Variants in GPRC6A observed in about 807,000 individuals in gnomAD.
GPRC6A encodes G protein-coupled receptor family C group 6 member A.
A neutral mutation model predicts 47.0 loss-of-function variants in GPRC6A; 54 were observed. The observed-to-expected ratio is 1.15, with a 90% CI of 0.92 to 1.44. The LOEUF (loss-of-function observed/expected upper bound fraction) is 1.44. Ranked by LOEUF, GPRC6A falls within the 40% of genes most tolerant of loss-of-function variation. The pLI is 0.00. For synonymous variants in GPRC6A, 347 were observed against 377.1 expected (o/e 0.92, Z 0.93); for missense variants, 1,112 against 1,105.5 (o/e 1.01, Z -0.08).
chr6:116,800,899 G>A lies in GPRC6A; in HGVS notation c.1336-103C>T. 1.6e-5 allele frequency: 11 copies of A among 693,372 alleles called. No individual in the cohort carries two copies. The Admixed American group carries it at 1.6e-4, about 10-fold the overall frequency. The allele number at this position is 693,372 out of a possible 1,614,324, so 43.0% of individuals were successfully genotyped here. On this transcript the variant is annotated intron_variant, in intron 3 of 5. Transcript: ENST00000310357. Reference sequence around the variant, plus strand: ...CTTATAAAGCATATCACTTAAAAATGAGGGAAAAAAGATTATAAATCACTG... The same window carrying A: ...CTTATAAAGCATATCACTTAAAAATAAGGGAAAAAAGATTATAAATCACTG...
At chr6:116,816,191 A>AAAGTCCG (rs1320898336) in intron 1 of GPRC6A, among the ~76,000 whole-genome samples, 1 of 152,244 alleles carries the variant, frequency 6.6e-6, no homozygotes, top group African/African-American at 2.4e-5. Context: ...CATTAACTCA[A>AAAGTCCG]AAGTCCGAAG....
At chr6:116,820,876 A>G (rs1253445797) in intron 1 of GPRC6A, among the ~76,000 whole-genome samples, 10 of 151,802 alleles carry the variant, frequency 6.6e-5, no homozygotes, top group Non-Finnish European at 1.2e-4. Context: ...AGGCAGGAGA[A>G]GGAAATAAAG....
intron 1 of GPRC6A, among the ~76,000 whole-genome samples, chr6:116,827,051 G>T (rs1401141648): frequency 6.6e-6 from 1 of 151,736 alleles, no homozygotes; most frequent in Non-Finnish European, 1.5e-5. Flanking sequence ...AGGATGGGAA[G>T]GTGGGTGGGT....
intron 1 of GPRC6A, among the ~76,000 whole-genome samples, chr6:116,814,048 A>T (rs1773121614): frequency 6.6e-6 from 1 of 152,192 alleles, no homozygotes; most frequent in Non-Finnish European, 1.5e-5. Context: ...TCAAAACCAC[A>T]GTGAGATACC....
At chr6:116,797,086 A>G (rs1002087892) in intron 4 of GPRC6A, among the ~76,000 whole-genome samples, 3 of 136,310 alleles carry the variant, frequency 2.2e-5, no homozygotes, top group Non-Finnish European at 4.6e-5. Context: ...TCCTGTGTCC[A>G]TGTGTTCTCA....
chr6:116,797,814 G>A (rs542818515), intron 4 of GPRC6A, among the ~76,000 whole-genome samples: 14 of 152,290 alleles, frequency 9.2e-5, no homozygotes, highest in East Asian at 3.9e-4. Context: ...TGCTGGGTTC[G>A]TAATGTAGTT....
chr6:116,807,238 G>A, intron 2 of GPRC6A, 32 bp from the exon 3 acceptor site: 1 of 1,306,756 alleles, frequency 7.7e-7, no homozygotes, highest in Non-Finnish European at 1.1e-6. Flanking sequence ...TAGTTATGGT[G>A]TTGATGAACT....
intron 1 of GPRC6A, among the ~76,000 whole-genome samples, chr6:116,826,191 T>C (rs1773670923): frequency 6.6e-6 from 1 of 151,516 alleles, no homozygotes. Flanking sequence ...AATAGACAAA[T>C]GGTAGTATAT....
At chr6:116,814,037 AT>A (rs1698242345) in intron 1 of GPRC6A, among the ~76,000 whole-genome samples, 1 of 152,230 alleles carries the variant, frequency 6.6e-6, no homozygotes, top group African/African-American at 2.4e-5. Context: ...AGAAAAGCAA[AT>A]CAAAACCACA....
Position 116,824,350 on chromosome 6 carries a change from G to A in GPRC6A, c.194+4470C>T, listed in dbSNP as rs577916586. Among the ~76,000 whole-genome samples, 531 of 151,712 alleles carry A rather than the reference G, an allele frequency of 3.5e-3. 8 individuals carry two copies. Among genetic ancestry groups the A allele is most frequent in the African/African-American group, 0.012 (510 of 41,454 alleles). Reference sequence around the variant, plus strand: ...AAAAAAATTTATAAATCATTAGCTAGATTAACTGAAAAAAGAAGAGAGAAG... The same window carrying A: ...AAAAAAATTTATAAATCATTAGCTAAATTAACTGAAAAAAGAAGAGAGAAG... On this transcript the variant is annotated intron_variant, in intron 1 of 5. Transcript: ENST00000310357.
intron 1 of GPRC6A, among the ~76,000 whole-genome samples, chr6:116,820,262 T>C (rs926888657): frequency 3.3e-4 from 51 of 152,314 alleles, no homozygotes; most frequent in Non-Finnish European, 2.1e-4. Context: ...GATTCACAGC[T>C]GAATTCTAGC....
intron 1 of GPRC6A, among the ~76,000 whole-genome samples, chr6:116,813,955 A>G (rs1220174113): frequency 6.6e-6 from 1 of 152,212 alleles, no homozygotes; most frequent in Non-Finnish European, 1.5e-5. Flanking sequence ...ATATGAACAG[A>G]CACTTCTCAA....
In GPRC6A at chr6:116,806,969, G is replaced by A. The variant is rs776183269; in HGVS notation, c.736C>T (p.Pro246Ser). The change falls in exon 3 of 6, where the codon CCA (proline) becomes TCA (serine). Residue 246 changes from proline to serine, a missense_variant. Transcript: ENST00000310357. ...ATGGTATTATCTGAAAGAAAGGCTG[G>A]AAGAACCTCTTTGAAGGCTATGCAC... ...NVCIAFKEVL[P>S]AFLSDNTIEV... 2 of 1,613,570 alleles carry A rather than the reference G, an allele frequency of 1.2e-6. No homozygotes were observed. The highest frequency in any genetic ancestry group is 2.2e-5 in the South Asian group (2 of 91,068).
intron 1 of GPRC6A, among the ~76,000 whole-genome samples, chr6:116,812,453 G>A (rs1300353134): frequency 6.6e-6 from 1 of 152,042 alleles, no homozygotes; most frequent in Admixed American, 6.6e-5. Flanking sequence ...AAAGAGGAAG[G>A]ACTCAAATGA....
intron 3 of GPRC6A, among the ~76,000 whole-genome samples, chr6:116,802,744 T>C (rs1002773287): frequency 6.6e-6 from 1 of 152,106 alleles, no homozygotes; most frequent in Admixed American, 6.6e-5. Flanking sequence ...GACAGGTCTT[T>C]ACTGTTAAGG....
intron 1 of GPRC6A, among the ~76,000 whole-genome samples, chr6:116,816,771 G>A (rs1773225414): frequency 6.6e-6 from 1 of 152,206 alleles, no homozygotes; most frequent in African/African-American, 2.4e-5. Context: ...AAAGAAAGGG[G>A]AGACGGACGC....
chr6:116,828,274 A>C (rs1443353501), intron 1 of GPRC6A, among the ~76,000 whole-genome samples: 1 of 152,128 alleles, frequency 6.6e-6, no homozygotes, highest in East Asian at 1.9e-4. Flanking sequence ...CTCATAGGTA[A>C]GCTCTCACGA....
intron 3 of GPRC6A, among the ~76,000 whole-genome samples, chr6:116,804,302 G>A (rs138094188): frequency 1.3e-5 from 2 of 152,080 alleles, no homozygotes; most frequent in Admixed American, 6.6e-5. Context: ...CAAAATAAGT[G>A]CTATCCTCAA....
chr6:116,825,107 A>G (rs1773637919), intron 1 of GPRC6A, among the ~76,000 whole-genome samples: 1 of 152,110 alleles, frequency 6.6e-6, no homozygotes, highest in Admixed American at 6.6e-5. Context: ...AAGGCCATAT[A>G]TGACAAACCC....
Sources: allele counts gnomAD v4.1 joint callset (sites outside exome capture counted in the v4.1 genomes callset), GRCh38; gene constraint gnomAD v4.1.1; transcripts MANE v1.5; gene names NCBI Gene and HGNC (gene_info 2026-07-23, HGNC 2026-07-21).